DNAAF9: variants seen among roughly 807,000 people sequenced by gnomAD.
DNAAF9 encodes dynein axonemal assembly factor 9.
Under a neutral mutation model 167.0 loss-of-function variants are expected in DNAAF9, and 90 were observed. The ratio of observed to expected loss-of-function variants is 0.54; its 90% CI spans 0.45 to 0.64. The LOEUF (loss-of-function observed/expected upper bound fraction) is 0.64. DNAAF9 is among the 30% of genes least tolerant of loss of function. The probability of loss-of-function intolerance (pLI) is 0.00; values close to 1 mark genes in which losing one functional copy is unlikely to be tolerated. For missense variants in DNAAF9, 1,315 were observed against 1,442.2 expected (o/e 0.91, Z 1.43); for synonymous variants, 491 against 508.8 (o/e 0.96, Z 0.47).
Position 3,312,441 on chromosome 20 carries a change from G to A in DNAAF9, c.1678+2592C>T, listed in dbSNP as rs183836200. Among the ~76,000 whole-genome samples the A allele has an allele frequency of 1.9e-4, 29 of 152,044 alleles. No homozygotes were observed. The South Asian group carries it at 3.7e-3, about 20-fold the overall frequency. Reference sequence around the variant, plus strand: ...GGGGGCTTTAAAAAAAAAAAAGTATGGAAAAAATAACAACTTGCACAACAT... The same window carrying A: ...GGGGGCTTTAAAAAAAAAAAAGTATAGAAAAAATAACAACTTGCACAACAT... On this transcript the variant is annotated intron_variant, in intron 20 of 36. Transcript: ENST00000252032.
intron 6 of DNAAF9, chr20:3,362,214 T>C (rs1327915537): frequency 2.1e-6 from 3 of 1,435,100 alleles, no homozygotes; most frequent in African/African-American, 1.4e-5. Context: ...CGTAATCTTC[T>C]AGACCCCAGC....
chr20:3,370,256 A>C (rs959458445), intron 6 of DNAAF9, among the ~76,000 whole-genome samples: 7 of 151,864 alleles, frequency 4.6e-5, no homozygotes, highest in Non-Finnish European at 1.5e-5. Flanking sequence ...TTTCATTTTT[A>C]TTTATTTATT....
chr20:3,371,195 TTA>T (rs1409131677), intron 6 of DNAAF9, among the ~76,000 whole-genome samples: 1 of 148,054 alleles, frequency 6.8e-6, no homozygotes. Flanking sequence ...CAATCTTTTC[TTA>T]TATGTCTTCC....
intron 26 of DNAAF9, among the ~76,000 whole-genome samples, chr20:3,288,280 A>G (rs2068886856): frequency 6.6e-6 from 1 of 152,176 alleles, no homozygotes. Flanking sequence ...GAGAAATTCC[A>G]TCTCTACTAA....
chr20:3,274,898 C>T (rs2068653016), intron 29 of DNAAF9, among the ~76,000 whole-genome samples: 1 of 152,180 alleles, frequency 6.6e-6, no homozygotes, highest in Non-Finnish European at 1.5e-5. Context: ...AGATGGGGGG[C>T]AAGGAATAGT....
At chr20:3,379,008 C>T (rs6051812) in intron 3 of DNAAF9, among the ~76,000 whole-genome samples, 110,733 of 151,200 alleles carry the variant, frequency 0.73, 41,151 homozygotes, top group African/African-American at 0.8. Context: ...CATATTGGTC[C>T]TTCTCACACA....
rs2084083656 is a variant in DNAAF9, at chr20:3,407,613, C to T, written c.-56G>A. ...GGTGCAGCTGCGAGGGTCTCAGTTG[C>T]CCGCAGGGCGGCTCCACGCTAGCTG... On this transcript the variant is annotated 5_prime_UTR_variant, in exon 1 of 37. Transcript: ENST00000252032. 3 of 1,202,754 alleles carry T rather than the reference C, an allele frequency of 2.5e-6. No homozygotes were observed. Among genetic ancestry groups the T allele is most frequent in the South Asian group, 4.1e-5 (1 of 24,122 alleles). 74.5% of individuals were successfully genotyped at this position (1,202,754 alleles called of 1,614,324 possible).
intron 26 of DNAAF9, among the ~76,000 whole-genome samples, chr20:3,288,844 A>T (rs571250447): frequency 6.6e-6 from 1 of 152,288 alleles, no homozygotes; most frequent in Non-Finnish European, 1.5e-5. Context: ...CCTTGTGCTC[A>T]TGGGAGGATC....
intron 14 of DNAAF9, among the ~76,000 whole-genome samples, chr20:3,324,312 A>T (rs1177068337): frequency 1.3e-5 from 2 of 152,198 alleles, no homozygotes; most frequent in Admixed American, 1.3e-4. Flanking sequence ...TGTCTTTTGT[A>T]TCCTTTGTAT....
chr20:3,264,451 T>C lies in DNAAF9; in HGVS notation c.2860A>G (p.Met954Val). Reference sequence around the variant, plus strand: ...GATGATACTTGCCAGCCAGGATACATTAAATATCGAGATCGTAGCATCTCA... The same window carrying C: ...GATGATACTTGCCAGCCAGGATACACTAAATATCGAGATCGTAGCATCTCA... Reference protein sequence around the residue: ...SPEMLRSRYLMYPGWYEGKLN... With the variant: ...SPEMLRSRYLVYPGWYEGKLN... Residue 954 changes from methionine (M) to valine (V), a missense_variant, in exon 31 of 37, where the codon ATG becomes GTG. This residue lies in a region of DNAAF9 where 334 missense variants were observed against 429.7 expected (regional missense o/e 0.78). Transcript: ENST00000252032. 1 of 1,475,562 alleles carries C rather than the reference T, an allele frequency of 6.8e-7. No homozygotes were observed. Among genetic ancestry groups the C allele is most frequent in the Non-Finnish European group, 9.5e-7 (1 of 1,054,006 alleles). 91.4% of individuals were successfully genotyped at this position (1,475,562 alleles called of 1,614,324 possible).
chr20:3,273,891 T>C (rs1157677260), intron 29 of DNAAF9, among the ~76,000 whole-genome samples: 1 of 152,160 alleles, frequency 6.6e-6, no homozygotes, highest in Non-Finnish European at 1.5e-5. Context: ...TATACAAAAG[T>C]GTTGAGTATA....
At chr20:3,340,151 A>C (rs901591660) in intron 10 of DNAAF9, among the ~76,000 whole-genome samples, 1 of 152,242 alleles carries the variant, frequency 6.6e-6, no homozygotes, top group Non-Finnish European at 1.5e-5. Flanking sequence ...CAGTCAAGGC[A>C]TAACAAACTT....
intron 7 of DNAAF9, among the ~76,000 whole-genome samples, chr20:3,355,912 C>T (rs1327692941): frequency 2.0e-5 from 3 of 151,064 alleles, no homozygotes; most frequent in African/African-American, 7.3e-5. Flanking sequence ...GATCCAGTGC[C>T]GTCTGAATTT....
rs201488515 is a variant in DNAAF9, at chr20:3,389,604, C to CA, written c.84-7099dup. Reference sequence around the variant, plus strand: ...CAACATAGCAAGACCCTGTCTCTACCAAAAAAAAAAGAGAAATAGTTTTTA... The same window carrying CA: ...CAACATAGCAAGACCCTGTCTCTACCAAAAAAAAAAAGAGAAATAGTTTTTA... On this transcript the variant is annotated intron_variant, in intron 1 of 36. Coordinates refer to ENST00000252032, the MANE Select transcript of DNAAF9 (RefSeq NM_001009984.3). 6.3e-3 allele frequency among the ~76,000 whole-genome samples: 851 copies of CA among 134,616 alleles called. 2 individuals carry two copies. The highest frequency in any genetic ancestry group is 7.8e-3 in the Middle Eastern group (2 of 258). The allele number at this position is 134,616 out of a possible 152,430, so 88.3% of individuals were successfully genotyped here.
chr20:3,306,667 T>A (rs2069301135), intron 20 of DNAAF9, among the ~76,000 whole-genome samples: 1 of 152,188 alleles, frequency 6.6e-6, no homozygotes, highest in Non-Finnish European at 1.5e-5. Context: ...CATGTTTTTT[T>A]TCTTTCAATT....
chr20:3,342,301 G>A (rs1055099374), intron 9 of DNAAF9, among the ~76,000 whole-genome samples: 2 of 152,080 alleles, frequency 1.3e-5, no homozygotes, highest in African/African-American at 4.8e-5. Context: ...CAGGGGGCTG[G>A]GCTCTCCTGT....
intron 26 of DNAAF9, among the ~76,000 whole-genome samples, chr20:3,289,341 G>A (rs2068908372): frequency 6.6e-6 from 1 of 152,146 alleles, no homozygotes; most frequent in South Asian, 2.1e-4. Flanking sequence ...CTACTTGGGA[G>A]GGTCAGGTGG....
At chr20:3,366,285 AAAC>A (rs1466107029) in intron 6 of DNAAF9, among the ~76,000 whole-genome samples, 1 of 152,212 alleles carries the variant, frequency 6.6e-6, no homozygotes, top group Admixed American at 6.5e-5. Context: ...GTAGGCATGA[AAAC>A]AACATTAATC....
chr20:3,399,501 C>A (rs1188024130), intron 1 of DNAAF9, among the ~76,000 whole-genome samples: 1 of 152,120 alleles, frequency 6.6e-6, no homozygotes, highest in East Asian at 1.9e-4. Flanking sequence ...AGCCACTGCG[C>A]CCGGCCTCCT....
Sources: allele counts gnomAD v4.1 joint callset (sites outside exome capture counted in the v4.1 genomes callset), GRCh38; gene constraint gnomAD v4.1.1; regional missense constraint gnomAD v4.1.1; transcripts MANE v1.5; gene names NCBI Gene and HGNC (gene_info 2026-07-23, HGNC 2026-07-21).